The following MYO3B variants were observed in gnomAD, a reference collection of about 807,000 sequenced individuals.
MYO3B encodes the protein myosin IIIB, also known as myosin-IIIb.
A neutral mutation model predicts 174.6 loss-of-function variants in MYO3B; 156 were observed. That is an observed-to-expected ratio of 0.89 (90% CI 0.78 to 1.02). The LOEUF is 1.02. Ranked by LOEUF, MYO3B falls within the 50% of genes least tolerant of loss-of-function variation. The pLI is 0.00. For synonymous variants in MYO3B, 563 were observed against 569.1 expected (o/e 0.99, Z 0.15); for missense variants, 1,632 against 1,639.4 (o/e 1.00, Z 0.08).
intron 7 of MYO3B, among the ~76,000 whole-genome samples, chr2:170,254,563 A>C (rs2093287276): frequency 6.6e-6 from 1 of 152,118 alleles, no homozygotes; most frequent in Admixed American, 6.5e-5. Flanking sequence ...TTGCTAGTGG[A>C]CTGGGAGCAG....
intron 28 of MYO3B, among the ~76,000 whole-genome samples, chr2:170,508,671 C>A (rs906038335): frequency 1.3e-5 from 2 of 152,164 alleles, no homozygotes; most frequent in African/African-American, 4.8e-5. Context: ...CCATTGGTTT[C>A]CATCTTGAAT....
intron 7 of MYO3B, among the ~76,000 whole-genome samples, chr2:170,267,897 G>A (rs1376076983): frequency 6.6e-6 from 1 of 152,128 alleles, no homozygotes; most frequent in Non-Finnish European, 1.5e-5. Context: ...CATGTTGTAG[G>A]GAAAAAATGG....
chr2:170,519,338 A>T, intron 29 of MYO3B, 100 bp from the exon 30 acceptor site: 1 of 792,914 alleles, frequency 1.3e-6, no homozygotes, highest in Non-Finnish European at 2.0e-6. Context: ...GAGTGGTATG[A>T]GGGCAGGGAG....
In MYO3B at chr2:170,519,543, G is replaced by A. The variant is rs535066543; in HGVS notation, c.3575+3G>A. 1.1e-4 allele frequency: 185 copies of A among 1,611,996 alleles called. 1 individual carries two copies. The South Asian group carries it at 1.5e-3, about 13-fold the overall frequency. On this transcript the variant is annotated splice_donor_region_variant and intron_variant, in intron 30 of 34. Coordinates refer to ENST00000408978, the MANE Select transcript of MYO3B (RefSeq NM_138995.5). ...CCTGCTGTCACAGAGAAAAATGGGT[G>A]AGCATTATCTGCTAAGAGTTCCCTG...
chr2:170,346,672 C>G (rs1011491136), intron 8 of MYO3B, among the ~76,000 whole-genome samples: 1 of 152,162 alleles, frequency 6.6e-6, no homozygotes, highest in Non-Finnish European at 1.5e-5. Flanking sequence ...TGGGGAATTT[C>G]TGTAATCATC....
At chr2:170,374,758 T>TACACACACACACAC (rs201921789) in intron 9 of MYO3B, among the ~76,000 whole-genome samples, 60 of 140,052 alleles carry the variant, frequency 4.3e-4, no homozygotes, top group South Asian at 2.0e-3. Context: ...TATGCATACA[T>TACACACACACACAC]ACACACACAC....
At chr2:170,222,471 G>T (rs928290422) in intron 6 of MYO3B, among the ~76,000 whole-genome samples, 2 of 152,150 alleles carry the variant, frequency 1.3e-5, no homozygotes, top group African/African-American at 4.8e-5. Flanking sequence ...GCCTCTAGGG[G>T]AGGGATCTTG....
intron 32 of MYO3B, among the ~76,000 whole-genome samples, chr2:170,632,066 T>TAGAC (rs199736597): frequency 0.25 from 37,898 of 151,658 alleles, 6,374 homozygotes; most frequent in East Asian, 0.45. Context: ...CTGTCAATAT[T>TAGAC]AGATCAACGA....
chr2:170,278,570 G>A (rs1035949020), intron 7 of MYO3B, among the ~76,000 whole-genome samples: 2 of 152,070 alleles, frequency 1.3e-5, no homozygotes, highest in Non-Finnish European at 2.9e-5. Context: ...AGGTATTTAG[G>A]ATATCTGCCC....
chr2:170,453,453 C>CGA (rs150426528), intron 23 of MYO3B, among the ~76,000 whole-genome samples: 26 of 123,058 alleles, frequency 2.1e-4, no homozygotes, highest in South Asian at 7.9e-4. Flanking sequence ...CACACACACA[C>CGA]GAGAGAGAGA....
At chr2:170,214,707 GT>G (rs752158924) in intron 4 of MYO3B, 21 bp from the exon 5 acceptor site, 131 of 1,595,044 alleles carry the variant, frequency 8.2e-5, no homozygotes, top group Non-Finnish European at 1.5e-5. Context: ...CTGTTGTTTG[GT>G]GGTGGTGGGA....
chr2:170,542,250 A>C (rs1236525135), intron 30 of MYO3B, among the ~76,000 whole-genome samples: 2 of 151,992 alleles, frequency 1.3e-5, no homozygotes, highest in Admixed American at 6.6e-5. Flanking sequence ...TTATAAGTAC[A>C]CTCTTATACA....
At chr2:170,249,305 CTTATTCT>C (rs1371068036) in intron 7 of MYO3B, among the ~76,000 whole-genome samples, 2 of 152,196 alleles carry the variant, frequency 1.3e-5, no homozygotes, top group African/African-American at 2.4e-5. Context: ...TATTTTTATC[CTTATTCT>C]TTTAATTAGT....
chr2:170,464,365 A>T (rs938883815), intron 24 of MYO3B, among the ~76,000 whole-genome samples: 1 of 133,880 alleles, frequency 7.5e-6, no homozygotes, highest in Non-Finnish European at 1.6e-5. Context: ...AAAAAAAAAA[A>T]ATGCTGTTAG....
At chr2:170,517,482 T>A (rs1233375246) in intron 29 of MYO3B, among the ~76,000 whole-genome samples, 2 of 152,182 alleles carry the variant, frequency 1.3e-5, no homozygotes, top group African/African-American at 4.8e-5. Context: ...TGTGCTATTT[T>A]CTTCTTTGGA....
intron 32 of MYO3B, among the ~76,000 whole-genome samples, chr2:170,553,168 C>G (rs760298999): frequency 1.3e-5 from 2 of 152,248 alleles, no homozygotes; most frequent in East Asian, 3.9e-4. Flanking sequence ...CACAGAGTCC[C>G]CACTGGAGTA....
chr2:170,266,558 T>G (rs1275094275), intron 7 of MYO3B, among the ~76,000 whole-genome samples: 3 of 152,216 alleles, frequency 2.0e-5, no homozygotes, highest in Non-Finnish European at 2.9e-5. Flanking sequence ...TATAGAAATG[T>G]GCTTATTATG....
At chr2:170,298,873 C>A (rs2105438168) in intron 7 of MYO3B, among the ~76,000 whole-genome samples, 1 of 152,070 alleles carries the variant, frequency 6.6e-6, no homozygotes, top group South Asian at 2.1e-4. Flanking sequence ...TACCATATTT[C>A]TACTGTACCT....
At position 170,649,325 on chromosome 2, in the gene MYO3B, T is replaced by TATATAATATATTATATATAAA. The variant is rs1559202333; in HGVS notation, c.3734-2300_3734-2299insTAATATATTATATATAAAATA. ...ATAATATATATTATATATAAAATAA[T>TATATAATATATTATATATAAA]ATAATATATATTATATATAAAATAA... On this transcript the variant is annotated intron_variant, in intron 32 of 34. Coordinates refer to ENST00000408978, the MANE Select transcript of MYO3B (RefSeq NM_138995.5). 3.3e-4 allele frequency among the ~76,000 whole-genome samples: 30 copies of TATATAATATATTATATATAAA among 91,808 alleles called. 7 individuals are homozygous for TATATAATATATTATATATAAA. The highest frequency in any genetic ancestry group is 1.5e-3 in the African/African-American group (30 of 20,224). The allele number at this position is 91,808 out of a possible 152,430, so 60.2% of individuals were successfully genotyped here.
Sources: allele counts gnomAD v4.1 joint callset (sites outside exome capture counted in the v4.1 genomes callset), GRCh38; gene constraint gnomAD v4.1.1; transcripts MANE v1.5; gene names NCBI Gene and HGNC (gene_info 2026-07-23, HGNC 2026-07-21).